Variants in SNX1 observed in about 807,000 individuals in gnomAD.
SNX1 encodes sorting nexin-1.
Under a neutral mutation model 71.8 loss-of-function variants are expected in SNX1, and 36 were observed. The observed-to-expected ratio is 0.50, with a 90% CI of 0.38 to 0.66. The LOEUF (loss-of-function observed/expected upper bound fraction) is 0.66. Among genes scored for constraint, SNX1 ranks in the 30% least tolerant of loss-of-function variants. The probability of loss-of-function intolerance (pLI) is 0.00; values close to 1 mark genes in which losing one functional copy is unlikely to be tolerated. For missense variants in SNX1, 612 were observed against 646.7 expected, an observed-to-expected ratio of 0.95 and a Z score of 0.58; for synonymous variants, 254 against 240.7, an observed-to-expected ratio of 1.06 and a Z score of -0.51.
intron 1 of SNX1, chr15:64,111,691 AATTCCCTCAG>A (rs1279798580): frequency 1.3e-5 from 2 of 152,206 alleles, no homozygotes; most frequent in African/African-American, 4.8e-5. Flanking sequence ...CCAAGGAACA[AATTCCCTCAG>A]ATTTGTTAAG....
chr15:64,128,196 GA>G (rs1301043474), intron 8 of SNX1, among the ~76,000 whole-genome samples: 1 of 152,206 alleles, frequency 6.6e-6, no homozygotes, highest in Non-Finnish European at 1.5e-5. Flanking sequence ...GATTGAAGTA[GA>G]CAGTCTCTTT....
At chr15:64,101,370 G>C (rs1049238342) in intron 1 of SNX1, among the ~76,000 whole-genome samples, 2 of 152,138 alleles carry the variant, frequency 1.3e-5, no homozygotes, top group African/African-American at 2.4e-5. Flanking sequence ...AATAGTATTT[G>C]TTTTGTGACT....
intron 1 of SNX1, among the ~76,000 whole-genome samples, chr15:64,099,087 A>T (rs2080932246): frequency 6.6e-6 from 1 of 152,224 alleles, no homozygotes; most frequent in Non-Finnish European, 1.5e-5. Flanking sequence ...GCCAAAGAAG[A>T]TAGAGGATTG....
chr15:64,100,320 G>A (rs748428346), intron 1 of SNX1, among the ~76,000 whole-genome samples: 1 of 152,128 alleles, frequency 6.6e-6, no homozygotes, highest in African/African-American at 2.4e-5. Context: ...GGAGAGAATT[G>A]GCCAGGCGCA....
rs1305719200 is a variant in SNX1 at position 64,132,207 on chromosome 15, G to A, written c.1221+315G>A. 53 of 362,562 alleles carry A rather than the reference G, an allele frequency of 1.5e-4. 5 individuals are homozygous for A. Among genetic ancestry groups the A allele is most frequent in the South Asian group, 1.4e-3 (53 of 38,416 alleles). 22.5% of individuals were successfully genotyped at this position (362,562 alleles called of 1,614,324 possible). On this transcript the variant is annotated intron_variant, in intron 11 of 14. Transcript: ENST00000559844. The stretch of plus-strand genomic sequence containing the variant: ...TTCTGTGGTCCTTTCTTGAAGCAAG[G>A]TTGCTTACAGACCTACTCTCTTGGT...
chr15:64,099,041 G>T lies in SNX1; in HGVS notation c.159+2869G>T, dbSNP rs1595971217. The stretch of plus-strand genomic sequence containing the variant: ...AACTGTCTTGTTAAACAGCCATAAA[G>T]AACAAATTATAATCCAATACATGCT... On this transcript the variant is annotated intron_variant, in intron 1 of 14. Transcript: ENST00000559844. 3.9e-5 allele frequency among the ~76,000 whole-genome samples: 6 copies of T among 152,262 alleles called. 1 individual carries two copies. Among genetic ancestry groups the T allele is most frequent in the Admixed American group, 3.9e-4 (6 of 15,296 alleles).
Position 64,140,920 on chromosome 15 carries a change from A to G in SNX1, c.*3302A>G, listed in dbSNP as rs2081405625. ...ATTTAGAAACCAAGATCTGGGTGCC[A>G]AATGTGCTGCTTGTTACTGGAATGT... On this transcript the variant is annotated 3_prime_UTR_variant, in exon 15 of 15. Coordinates refer to ENST00000559844, the MANE Select transcript of SNX1 (RefSeq NM_003099.5). The G allele has an allele frequency of 6.6e-6, 1 of 151,906 alleles. No individual in the cohort carries two copies. 9.4% of individuals were successfully genotyped at this position (151,906 alleles called of 1,614,324 possible).
At chr15:64,114,928 G>T (rs990755521) in intron 2 of SNX1, among the ~76,000 whole-genome samples, 1 of 152,110 alleles carries the variant, frequency 6.6e-6, no homozygotes. Context: ...GATTCCTTGA[G>T]CCCAGGATTT....
In SNX1 at chr15:64,116,136, A is replaced by G. The variant is rs555900349; in HGVS notation, c.272-1981A>G. Among the ~76,000 whole-genome samples the G allele has an allele frequency of 5.9e-5, 9 of 152,368 alleles. No homozygotes were observed. The East Asian group carries it at 1.7e-3, about 29-fold the overall frequency. On this transcript the variant is annotated intron_variant, in intron 2 of 14. Transcript: ENST00000559844. Reference sequence around the variant, plus strand: ...GTCTTTTGTATGTTACATGTATTATATACTGTATTCTTACAATAAAGTAAG... The same window carrying G: ...GTCTTTTGTATGTTACATGTATTATGTACTGTATTCTTACAATAAAGTAAG...
intron 4 of SNX1, among the ~76,000 whole-genome samples, chr15:64,120,075 C>T (rs1394715975): frequency 6.6e-6 from 1 of 152,092 alleles, no homozygotes; most frequent in South Asian, 2.1e-4. Context: ...AGAGTTATCC[C>T]TGAGTGGAGA....
intron 2 of SNX1, among the ~76,000 whole-genome samples, chr15:64,116,745 A>C (rs2081133511): frequency 6.6e-6 from 1 of 152,236 alleles, no homozygotes; most frequent in South Asian, 2.1e-4. Context: ...TTAGGCTTAG[A>C]GCATCTAGTT....
Position 64,123,589 on chromosome 15 carries a change from T to C in SNX1, c.510+43T>C, listed in dbSNP as rs183067502. The C allele has an allele frequency of 2.6e-6, 4 of 1,511,862 alleles. No homozygotes were observed. The East Asian group carries it at 6.8e-5, about 26-fold the overall frequency. 93.7% of individuals were successfully genotyped at this position (1,511,862 alleles called of 1,614,324 possible). ...TGCTGATGACCATCTTCATAGACTT[T>C]GGTGCTTATACCAAGGTCATCATTC... On this transcript the variant is annotated intron_variant, in intron 5 of 14. Transcript: ENST00000559844.
chr15:64,131,955 C>G lies in SNX1; in HGVS notation c.1221+63C>G, dbSNP rs73448948. ...TTGATTTGTTTTTCCTTTGCTGGTC[C>G]CCTTCCCAAGACAGTTTCATCCCAT... is the stretch of plus-strand genomic sequence containing the variant. On this transcript the variant is annotated intron_variant, in intron 11 of 14. Transcript: ENST00000559844. The G allele has an allele frequency of 8.4e-4, 1,302 of 1,554,206 alleles. 12 individuals are homozygous for G. The African/African-American group carries it at 0.014, about 17-fold the overall frequency.
intron 4 of SNX1, among the ~76,000 whole-genome samples, chr15:64,121,017 T>A (rs1443766614): frequency 6.6e-6 from 1 of 152,160 alleles, no homozygotes. Flanking sequence ...CCATGATAGA[T>A]CCTGGACCAG....
At chr15:64,130,423 T>G in intron 10 of SNX1, 102 bp downstream of exon 10, 1 of 965,728 alleles carries the variant, frequency 1.0e-6, no homozygotes, top group African/African-American at 1.6e-5. Flanking sequence ...CCATCCAAGT[T>G]GAAATTCTCA....
chr15:64,138,318 T>A lies in SNX1; in HGVS notation c.*700T>A. On this transcript the variant is annotated 3_prime_UTR_variant, in exon 15 of 15. Transcript: ENST00000559844. ...TCCTGCAAAGGAGGCAGAGACTTTC[T>A]CTCTCTCTTTTTTTTTTTTTTTTGG... The A allele has an allele frequency of 3.3e-5, 25 of 755,434 alleles. No homozygotes were observed. Among genetic ancestry groups the A allele is most frequent in the Non-Finnish European group, 4.2e-5 (22 of 528,616 alleles). 46.8% of individuals were successfully genotyped at this position (755,434 alleles called of 1,614,324 possible). A position where few individuals can be genotyped will look rare whatever the true frequency, so the allele number is the denominator to read the frequency against.
In SNX1 at chr15:64,096,095, G is replaced by A. The variant is rs200363020; in HGVS notation, c.82G>A (p.Ala28Thr). 1,149 of 1,567,054 alleles carry A rather than the reference G, an allele frequency of 7.3e-4. No individual in the cohort carries two copies. Among genetic ancestry groups the A allele is most frequent in the Non-Finnish European group, 8.4e-4 (968 of 1,158,596 alleles). The stretch of plus-strand genomic sequence containing the variant: ...CGGCCTGGAGCCGGAGTCCGAGGGG[G>A]CGGCCGGGGGATCAGAACCCGAGGC... ...FPGLEPESEG[A>T]AGGSEPEAGD... is the part of the protein sequence containing the mutation. The change falls in exon 1 of 15, where the codon GCG becomes ACG. Residue 28 changes from alanine to threonine, a missense_variant. Physicochemically the swap from Ala to Thr is moderately conservative, Grantham distance 58 (BLOSUM62 0). Around this residue, in one of 2 missense-constraint regions of SNX1, gnomAD observed 316 missense variants for 284.9 expected, o/e 1.11. Transcript: ENST00000559844.
intron 1 of SNX1, among the ~76,000 whole-genome samples, chr15:64,108,861 G>A (rs761852292): frequency 1.3e-5 from 2 of 151,624 alleles, no homozygotes; most frequent in African/African-American, 4.8e-5. Context: ...GGTGGTGGGC[G>A]CCCATAATCC....
intron 1 of SNX1, among the ~76,000 whole-genome samples, chr15:64,108,062 G>A (rs2081040760): frequency 1.3e-5 from 2 of 152,044 alleles, no homozygotes; most frequent in South Asian, 2.1e-4. Flanking sequence ...GCGTAGTGGT[G>A]GGCGCCTGTA....
Sources: allele counts gnomAD v4.1 joint callset (sites outside exome capture counted in the v4.1 genomes callset), GRCh38; gene constraint gnomAD v4.1.1; regional missense constraint gnomAD v4.1.1; transcripts MANE v1.5; gene names NCBI Gene and HGNC (gene_info 2026-07-23, HGNC 2026-07-21).